The following P2RY8 variants were observed in gnomAD, a reference collection of about 807,000 sequenced individuals.
P2RY8 encodes S-geranylgeranyl-glutathione receptor P2RY8.
In P2RY8, 6 loss-of-function variants were observed where a neutral mutation model predicts 10.0. The observed-to-expected ratio is 0.60, with a 90% CI of 0.33 to 1.19. The LOEUF is 1.19. Among genes scored for constraint, P2RY8 ranks in the 50% most tolerant of loss-of-function variants. P2RY8 has a pLI of 0.04. For synonymous variants in P2RY8, 276 were observed against 252.5 expected (o/e 1.09, Z -0.88); for missense variants, 456 against 542.0 (o/e 0.84, Z 1.58).
intron 1 of P2RY8, among the ~76,000 whole-genome samples, chrX:1,530,713 AATCT>A (rs1603458726): frequency 1.3e-5 from 2 of 150,826 alleles, no homozygotes; most frequent in Admixed American, 1.3e-4. Flanking sequence ...CTATCTATCT[AATCT>A]ATTTATCCAT....
intron 1 of P2RY8, among the ~76,000 whole-genome samples, chrX:1,498,463 G>A (rs1171458175): frequency 6.6e-6 from 1 of 150,558 alleles, no homozygotes; most frequent in Non-Finnish European, 1.5e-5. Flanking sequence ...GCCCATCTTG[G>A]TTACAGCCCA....
At chrX:1,516,100 G>A (rs2092346136) in intron 1 of P2RY8, among the ~76,000 whole-genome samples, 2 of 151,592 alleles carry the variant, frequency 1.3e-5, no homozygotes, top group Non-Finnish European at 2.9e-5. Flanking sequence ...GGGAGGCTGA[G>A]GCAGGAGAAT....
At chrX:1,509,402 A>ATT (rs1472937000) in intron 1 of P2RY8, among the ~76,000 whole-genome samples, 2 of 130,898 alleles carry the variant, frequency 1.5e-5, no homozygotes, top group South Asian at 2.5e-4. Context: ...CTATCTATCT[A>ATT]TCTATCTATC....
chrX:1,526,250 T>C (rs2092439335), intron 1 of P2RY8, among the ~76,000 whole-genome samples: 2 of 150,728 alleles, frequency 1.3e-5, no homozygotes, highest in African/African-American at 4.9e-5. Context: ...ACATCCACTA[T>C]TCATTCACCC....
At chrX:1,483,589 G>A (rs1164019642) in intron 1 of P2RY8, among the ~76,000 whole-genome samples, 2 of 151,990 alleles carry the variant, frequency 1.3e-5, no homozygotes, top group East Asian at 3.9e-4. Context: ...AGCCAACATT[G>A]CGCCACTGCA....
intron 1 of P2RY8, among the ~76,000 whole-genome samples, chrX:1,469,403 G>C (rs776428587): frequency 6.6e-6 from 1 of 151,680 alleles, no homozygotes; most frequent in Non-Finnish European, 1.5e-5. Context: ...CTGACCTCAG[G>C]TGAGCCACCA....
rs769035382 is a variant in P2RY8 at position 1,530,290 on chromosome X, T to C, written c.-25+6631A>G. 4.0e-5 allele frequency among the ~76,000 whole-genome samples: 6 copies of C among 151,694 alleles called. No homozygotes were observed. In the East Asian group the frequency reaches 1.2e-3, roughly 29 times the overall value. Reference sequence around the variant, plus strand: ...ACCATTATCTATCTATCTATCTATCTATCTATCTATCTATCTATCTGTCAT... The same window carrying C: ...ACCATTATCTATCTATCTATCTATCCATCTATCTATCTATCTATCTGTCAT... On this transcript the variant is annotated intron_variant, in intron 1 of 1. Transcript: ENST00000381297.
At chrX:1,524,581 CCAT>C (rs2092420789) in intron 1 of P2RY8, among the ~76,000 whole-genome samples, 1 of 142,290 alleles carries the variant, frequency 7.0e-6, no homozygotes, top group Non-Finnish European at 1.5e-5. Context: ...ATCCATCCAT[CCAT>C]CCATCCATCC....
chrX:1,506,609 C>T (rs2092235582), intron 1 of P2RY8, among the ~76,000 whole-genome samples: 1 of 152,126 alleles, frequency 6.6e-6, no homozygotes, highest in Admixed American at 6.5e-5. Flanking sequence ...GACGACATCA[C>T]CATGAGCTCC....
intron 1 of P2RY8, among the ~76,000 whole-genome samples, chrX:1,491,760 C>A (rs1400640332): frequency 6.6e-6 from 1 of 150,758 alleles, no homozygotes; most frequent in Non-Finnish European, 1.5e-5. Context: ...AATGCACAGC[C>A]AATGAGTGAC....
chrX:1,494,761 A>T (rs2092100283), intron 1 of P2RY8, among the ~76,000 whole-genome samples: 1 of 152,168 alleles, frequency 6.6e-6, no homozygotes, highest in Non-Finnish European at 1.5e-5. Flanking sequence ...CCTGGAGTGC[A>T]ATGGCACCGT....
rs1289159019 is a variant in P2RY8 at position 1,522,027 on chromosome X, A to G, written c.-25+14894T>C. Among the ~76,000 whole-genome samples, 34 of 120,188 alleles carry G rather than the reference A, an allele frequency of 2.8e-4. No homozygotes were observed. The Admixed American group carries it at 3.7e-3, about 13-fold the overall frequency. The allele number at this position is 120,188 out of a possible 152,430, so 78.8% of individuals were successfully genotyped here. ...GAGTGCAATGGTGCGATCTCGGCTC[A>G]CCGCAACCTCCGCCTCCCGGGTTCA... On this transcript the variant is annotated intron_variant, in intron 1 of 1. Coordinates refer to ENST00000381297, the MANE Select transcript of P2RY8 (RefSeq NM_178129.5).
At chrX:1,497,445 G>A (rs1255220811) in intron 1 of P2RY8, among the ~76,000 whole-genome samples, 1 of 151,400 alleles carries the variant, frequency 6.6e-6, no homozygotes, top group African/African-American at 2.4e-5. Context: ...ATCGCCTGAG[G>A]TTGGGAGTTT....
chrX:1,516,491 T>C (rs111408056), intron 1 of P2RY8, among the ~76,000 whole-genome samples: 12,101 of 150,512 alleles, frequency 0.08, 639 homozygotes, highest in Non-Finnish European at 0.11. Context: ...TGTTCTGTGA[T>C]AGCAGCCTGA....
chrX:1,484,724 T>TAAAAAAAAAAAAAAAAAAAAAAAA (rs1171758279), intron 1 of P2RY8, among the ~76,000 whole-genome samples: 2 of 16,790 alleles, frequency 1.2e-4, no homozygotes, highest in African/African-American at 1.7e-4. Flanking sequence ...CAAAACCCTG[T>TAAAAAAAAAAAAAAAAAAAAAAAA]AAAAAAAAAA....
intron 1 of P2RY8, among the ~76,000 whole-genome samples, chrX:1,469,981 T>A (rs1443118401): frequency 6.6e-6 from 1 of 152,158 alleles, no homozygotes; most frequent in Non-Finnish European, 1.5e-5. Flanking sequence ...CACTCATTCA[T>A]ACAGTTCAAT....
intron 1 of P2RY8, among the ~76,000 whole-genome samples, chrX:1,499,163 CTTTT>C (rs1163119480): frequency 1.2e-4 from 6 of 48,438 alleles, no homozygotes; most frequent in African/African-American, 3.2e-4. Context: ...TTTTTCTTTT[CTTTT>C]TTTTTTTTTT....
chrX:1,470,732 G>A (rs1389588306), intron 1 of P2RY8, among the ~76,000 whole-genome samples: 2 of 151,912 alleles, frequency 1.3e-5, no homozygotes, highest in African/African-American at 4.8e-5. Flanking sequence ...CTGCAGCCTG[G>A]GTCAGAGCTT....
Position 1,464,701 on chromosome X carries a change from C to T in P2RY8, c.*778G>A. Reference sequence around the variant, plus strand: ...ATGGGACCTCCTTCTCTATCAGGGACTCACAGAAGCAGAATAGGGGTGGGG... The same window carrying T: ...ATGGGACCTCCTTCTCTATCAGGGATTCACAGAAGCAGAATAGGGGTGGGG... On this transcript the variant is annotated 3_prime_UTR_variant, in exon 2 of 2. Coordinates refer to ENST00000381297, the MANE Select transcript of P2RY8 (RefSeq NM_178129.5). 4.3e-6 allele frequency: 1 copy of T among 233,266 alleles called. No homozygotes were observed. The highest frequency in any genetic ancestry group is 8.5e-6 in the Non-Finnish European group (1 of 118,146). 14.4% of individuals were successfully genotyped at this position (233,266 alleles called of 1,614,324 possible).
Sources: gnomAD v4.1 joint callset for allele counts (sites outside exome capture counted in the v4.1 genomes callset) on GRCh38, gnomAD v4.1.1 for gene constraint, MANE v1.5 for transcripts, NCBI Gene and HGNC (gene_info 2026-07-23, HGNC 2026-07-21) for gene names.